CLU: variants seen among roughly 807,000 people sequenced by gnomAD.
CLU encodes the protein clusterin, also known as aging-associated protein 4.
A neutral mutation model predicts 46.4 loss-of-function variants in CLU; 25 were observed. The ratio of observed to expected loss-of-function variants is 0.54; its 90% CI spans 0.39 to 0.75. The LOEUF (loss-of-function observed/expected upper bound fraction) is 0.75. CLU is among the 30% of genes least tolerant of loss of function. The probability of loss-of-function intolerance (pLI) is 0.00; values close to 1 mark genes in which losing one functional copy is unlikely to be tolerated. For missense variants in CLU, 504 were observed against 592.1 expected (o/e 0.85, Z 1.54); for synonymous variants, 235 against 235.1 (o/e 1.00, Z 0.00).
chr8:27,603,526 T>C (rs1338798595), intron 6 of CLU, among the ~76,000 whole-genome samples: 1 of 152,182 alleles, frequency 6.6e-6, no homozygotes, highest in Non-Finnish European at 1.5e-5. Flanking sequence ...CTAGTCCAAA[T>C]ACTGTCACAG....
At chr8:27,602,048 G>A (rs532369857) in intron 6 of CLU, among the ~76,000 whole-genome samples, 3 of 152,264 alleles carry the variant, frequency 2.0e-5, no homozygotes, top group South Asian at 4.1e-4. Context: ...CAAAGATTGC[G>A]CCACTACGCT....
Position 27,605,084 on chromosome 8 carries a change from G to A in CLU, c.669C>T (p.Ser223=), listed in dbSNP as rs1800794959. The change falls in exon 5 of 9, where the codon TCC becomes TCT. Residue 223 remains serine (S), a synonymous_variant. Transcript: ENST00000316403. ...AGGGCATCAAGCTGCGGACGATGCG[G>A]GACTTGGGAAAGAAGAAGTGAGGCC... ...HRRPHFFFPK[S]RIVRSLMPFS... The A allele has an allele frequency of 6.2e-7, 1 of 1,614,030 alleles. No homozygotes were observed. Among genetic ancestry groups the A allele is most frequent in the South Asian group, 1.1e-5 (1 of 91,076 alleles).
chr8:27,599,683 G>T lies in CLU; in HGVS notation c.1164+97C>A. ...GGGCGCCTAAAGTTTTCTATTTTCT[G>T]CCGTGTGATAAATGCTCAGTCAAAA... On this transcript the variant is annotated intron_variant, in intron 7 of 8. Transcript: ENST00000316403. The surrounding 1 kb of genome is among the most constrained non-coding windows in gnomAD (Gnocchi z 4.0). 1.1e-6 allele frequency: 1 copy of T among 926,512 alleles called. No homozygotes were observed. Among genetic ancestry groups the T allele is most frequent in the Non-Finnish European group, 1.7e-6 (1 of 582,590 alleles). 57.4% of individuals were successfully genotyped at this position (926,512 alleles called of 1,614,324 possible). A position where few individuals can be genotyped will look rare whatever the true frequency, so the allele number is the denominator to read the frequency against.
chr8:27,613,020 A>C (rs1158500955), intron 1 of CLU, among the ~76,000 whole-genome samples: 1 of 151,650 alleles, frequency 6.6e-6, no homozygotes, highest in East Asian at 1.9e-4. Flanking sequence ...CTCCAGGCAC[A>C]CCCTCCTGGG....
chr8:27,602,033 G>A (rs1488998976), intron 6 of CLU, among the ~76,000 whole-genome samples: 9 of 152,200 alleles, frequency 5.9e-5, no homozygotes, highest in African/African-American at 2.2e-4. Context: ...AGAGGTTGCA[G>A]TGAGCAAAGA....
At chr8:27,611,760 G>A (rs565026484) in intron 1 of CLU, 3 of 457,510 alleles carry the variant, frequency 6.6e-6, no homozygotes, top group Admixed American at 2.3e-5. Flanking sequence ...GAGCCAGGGA[G>A]CAGCGTGGGA....
At chr8:27,611,068 T>C (rs1330396908) in intron 1 of CLU, 1 of 399,554 alleles carries the variant, frequency 2.5e-6, no homozygotes, top group African/African-American at 2.0e-5. Context: ...TCCTCTGCAA[T>C]GTGCACCTAA....
At chr8:27,608,318 T>C (rs1473499105) in intron 3 of CLU, among the ~76,000 whole-genome samples, 1 of 152,274 alleles carries the variant, frequency 6.6e-6, no homozygotes, top group East Asian at 1.9e-4. Context: ...CGATGGATCA[T>C]GAAGCTTGCA....
chr8:27,607,780 A>C (rs554314472), intron 3 of CLU, among the ~76,000 whole-genome samples: 6 of 150,326 alleles, frequency 4.0e-5, no homozygotes, highest in African/African-American at 1.5e-4. Flanking sequence ...CACACCCCAG[A>C]GTTAGGTGAG....
intron 6 of CLU, among the ~76,000 whole-genome samples, chr8:27,602,302 A>T (rs1800735718): frequency 6.6e-6 from 1 of 151,532 alleles, no homozygotes; most frequent in South Asian, 2.1e-4. Context: ...GCCCCCAACG[A>T]CAAAGAATGA....
chr8:27,604,715 A>G (rs1800783808), intron 5 of CLU, among the ~76,000 whole-genome samples: 2 of 152,228 alleles, frequency 1.3e-5, no homozygotes, highest in South Asian at 4.1e-4. Context: ...CTGGCCTCAA[A>G]TGATCCTCCC....
intron 3 of CLU, 196 bp downstream of exon 3, chr8:27,608,742 C>T: frequency 1.5e-6 from 1 of 649,596 alleles, no homozygotes; most frequent in Non-Finnish European, 2.7e-6. Context: ...AAAACCAGAT[C>T]CAAGATCTCA....
intron 1 of CLU, among the ~76,000 whole-genome samples, chr8:27,612,970 G>C (rs1318965783): frequency 8.3e-5 from 12 of 145,218 alleles, no homozygotes; most frequent in Admixed American, 1.4e-4. Flanking sequence ...TGGGGGGCAG[G>C]GGGGGCGGGG....
chr8:27,614,130 C>T (rs778491233), intron 1 of CLU: 7 of 152,214 alleles, frequency 4.6e-5, no homozygotes, highest in Non-Finnish European at 1.0e-4. Context: ...AGTCGGATTT[C>T]GGTGGTTGCA....
rs917121299 is a variant in CLU, at chr8:27,598,512, A to C, written c.1288T>G (p.Phe430Val). 1.2e-6 allele frequency: 2 copies of C among 1,614,104 alleles called. No individual in the cohort carries two copies. Among genetic ancestry groups the C allele is most frequent in the Non-Finnish European group, 1.7e-6 (2 of 1,180,030 alleles). The change falls in exon 8 of 9, where the codon TTT (phenylalanine) becomes GTT (valine). Residue 430 changes from phenylalanine (F) to valine (V), a missense_variant. Transcript: ENST00000316403. The stretch of plus-strand genomic sequence containing the variant: ...GCTTTCTCCGCCACGGTCTCCATAA[A>C]TTTAGGGTTCTTCCTGGAGACTTCT... ...PVEVSRKNPKFMETVAEKALQ... is the reference protein window; with the variant it reads ...PVEVSRKNPKVMETVAEKALQ...
chr8:27,601,919 T>C (rs1233501304), intron 6 of CLU, among the ~76,000 whole-genome samples: 5 of 151,782 alleles, frequency 3.3e-5, no homozygotes, highest in African/African-American at 1.2e-4. Context: ...GGTGAAACCC[T>C]GTCTCTACTA....
chr8:27,597,043 C>G lies in CLU; in HGVS notation c.*1198G>C, dbSNP rs1442940367. 1.3e-5 allele frequency: 6 copies of G among 454,018 alleles called. No homozygotes were observed. Among genetic ancestry groups the G allele is most frequent in the Non-Finnish European group, 2.6e-5 (6 of 226,806 alleles). The allele number at this position is 454,018 out of a possible 1,614,324, so 28.1% of individuals were successfully genotyped here. A position where few individuals can be genotyped will look rare whatever the true frequency, so the allele number is the denominator to read the frequency against. On this transcript the variant is annotated 3_prime_UTR_variant, in exon 9 of 9. Transcript: ENST00000316403. ...TATATCATTAAGTGAATCACACTGA[C>G]TTTACTCTGAATTTCCTTGACAGCC...
Position 27,598,452 on chromosome 8 carries a change from C to G in CLU, c.1340+8G>C. The G allele has an allele frequency of 6.2e-7, 1 of 1,613,984 alleles. No homozygotes were observed. Among genetic ancestry groups the G allele is most frequent in the Non-Finnish European group, 8.5e-7 (1 of 1,180,014 alleles). On this transcript the variant is annotated splice_region_variant and intron_variant, in intron 8 of 8. Coordinates refer to ENST00000316403, the MANE Select transcript of CLU (RefSeq NM_001831.4). Reference sequence around the variant, plus strand: ...CTGCAGGCCCGCAGGAAAGGCCCGCCTGCTTACCGGTGCTTTTTGCGGTAT... The same window carrying G: ...CTGCAGGCCCGCAGGAAAGGCCCGCGTGCTTACCGGTGCTTTTTGCGGTAT...
At chr8:27,607,062 G>T (rs1277039755) in intron 3 of CLU, among the ~76,000 whole-genome samples, 1 of 152,212 alleles carries the variant, frequency 6.6e-6, no homozygotes, top group Non-Finnish European at 1.5e-5. Flanking sequence ...CTCAGGCCAG[G>T]TGCGGCAGCT....
Sources: allele counts gnomAD v4.1 joint callset (sites outside exome capture counted in the v4.1 genomes callset), GRCh38; gene constraint gnomAD v4.1.1; non-coding constraint Gnocchi (gnomAD v3.1); transcripts MANE v1.5; gene names NCBI Gene and HGNC (gene_info 2026-07-23, HGNC 2026-07-21).